The following PARD3 variants were observed in gnomAD, a reference collection of about 807,000 sequenced individuals.
The protein encoded by PARD3 is par-3 family cell polarity regulator.
In PARD3, 75 loss-of-function variants were observed where a neutral mutation model predicts 155.4. The ratio of observed to expected loss-of-function variants is 0.48; its 90% CI spans 0.40 to 0.58. The LOEUF (loss-of-function observed/expected upper bound fraction) is 0.58. Ranked by LOEUF, PARD3 falls within the 20% of genes least tolerant of loss-of-function variation. The pLI is 0.00. For synonymous variants in PARD3, 576 were observed against 610.5 expected, an observed-to-expected ratio of 0.94 and a Z score of 0.83; for missense variants, 1,642 against 1,721.7, an observed-to-expected ratio of 0.95 and a Z score of 0.82.
intron 3 of PARD3, among the ~76,000 whole-genome samples, chr10:34,504,886 G>A: frequency 6.6e-6 from 1 of 152,224 alleles, no homozygotes; most frequent in East Asian, 1.9e-4. Context: ...AAGTAAAGGA[G>A]AGATCTATAT....
At chr10:34,395,327 G>C (rs981525571) in intron 7 of PARD3, among the ~76,000 whole-genome samples, 1 of 152,058 alleles carries the variant, frequency 6.6e-6, no homozygotes, top group African/African-American at 2.4e-5. Flanking sequence ...GAGCCACTGC[G>C]CCCAGCCGAT....
intron 22 of PARD3, among the ~76,000 whole-genome samples, chr10:34,174,141 C>T (rs771139485): frequency 3.1e-4 from 47 of 152,312 alleles, no homozygotes; most frequent in Middle Eastern, 3.4e-3. Context: ...GGAAAATGTA[C>T]TTCAGCATAC....
At chr10:34,167,152 G>A (rs933032558) in intron 22 of PARD3, among the ~76,000 whole-genome samples, 1 of 152,134 alleles carries the variant, frequency 6.6e-6, no homozygotes, top group Non-Finnish European at 1.5e-5. Flanking sequence ...ACCTGTCAAG[G>A]AAATCTCCCA....
chr10:34,538,756 T>A (rs2083395398), intron 2 of PARD3, among the ~76,000 whole-genome samples: 1 of 152,236 alleles, frequency 6.6e-6, no homozygotes, highest in African/African-American at 2.4e-5. Flanking sequence ...AAGAAGAGGC[T>A]GCAGAAACGC....
intron 16 of PARD3, among the ~76,000 whole-genome samples, chr10:34,341,202 A>T (rs1383367527): frequency 7.6e-6 from 1 of 131,120 alleles, no homozygotes; most frequent in East Asian, 2.3e-4. Flanking sequence ...AAAAAAAAAC[A>T]CTTTAAAAAA....
chr10:34,809,302 T>C (rs1843786740), intron 1 of PARD3, among the ~76,000 whole-genome samples: 1 of 152,154 alleles, frequency 6.6e-6, no homozygotes, highest in Non-Finnish European at 1.5e-5. Context: ...ACACGGGCTA[T>C]TCACCAAGAC....
chr10:34,359,172 G>T lies in PARD3; in HGVS notation c.2042C>A (p.Ala681Glu). ...CTCATTGCACTTGCTTATTCTCCTT[G>T]CAACAATAAGCTGGATCATTCCTCG... The part of the protein sequence containing the change: ...NKRGMIQLIV[A>E]RRISKCNELK... Residue 681 changes from alanine to glutamate, a missense_variant, in exon 14 of 25, where the codon GCA becomes GAA. Ala to Glu is a moderately radical substitution (Grantham distance 107, BLOSUM62 -1). Coordinates refer to ENST00000374788, the MANE Select transcript of PARD3 (RefSeq NM_001184785.2). 1.9e-6 allele frequency: 3 copies of T among 1,613,112 alleles called. No individual in the cohort carries two copies. Among genetic ancestry groups the T allele is most frequent in the Non-Finnish European group, 2.5e-6 (3 of 1,179,628 alleles).
intron 2 of PARD3, among the ~76,000 whole-genome samples, chr10:34,646,697 G>A (rs1477648653): frequency 3.3e-5 from 5 of 152,238 alleles, no homozygotes; most frequent in East Asian, 1.9e-4. Flanking sequence ...ACAAGGTCTC[G>A]TTCTGTCGCC....
At position 34,729,761 on chromosome 10, in the gene PARD3, C is replaced by T. The variant is rs547005226; in HGVS notation, c.121-33342G>A. 3.8e-4 allele frequency among the ~76,000 whole-genome samples: 58 copies of T among 152,076 alleles called. 1 individual carries two copies. The highest frequency in any genetic ancestry group is 2.9e-5 in the Non-Finnish European group (2 of 68,016). On this transcript the variant is annotated intron_variant, in intron 1 of 24. Coordinates refer to ENST00000374788, the MANE Select transcript of PARD3 (RefSeq NM_001184785.2). Reference sequence around the variant, plus strand: ...CACACAAATTAACTTCATTATGCAGCGAGCAGTCTCCTGGAGGAGCCGGAA... The same window carrying T: ...CACACAAATTAACTTCATTATGCAGTGAGCAGTCTCCTGGAGGAGCCGGAA...
At position 34,681,881 on chromosome 10, in the gene PARD3, A is replaced by G. The variant is rs995962765; in HGVS notation, c.222+14437T>C. On this transcript the variant is annotated intron_variant, in intron 2 of 24. Coordinates refer to ENST00000374788, the MANE Select transcript of PARD3 (RefSeq NM_001184785.2). The stretch of plus-strand genomic sequence containing the variant: ...AGCAGACCTCCCACTTTGGCCTCCC[A>G]AAGTGCTGAGATTATAGGCATGAGC... Among the ~76,000 whole-genome samples the G allele has an allele frequency of 2.1e-5, 3 of 146,064 alleles. No individual in the cohort carries two copies. In the Admixed American group the frequency reaches 2.1e-4, roughly 10 times the overall value.
chr10:34,515,386 T>C (rs891863493), intron 3 of PARD3, among the ~76,000 whole-genome samples: 6 of 152,268 alleles, frequency 3.9e-5, no homozygotes, highest in South Asian at 2.1e-4. Flanking sequence ...AAACAACTTA[T>C]AGGTTCTGTT....
chr10:34,388,198 T>C (rs1339628375), intron 7 of PARD3, among the ~76,000 whole-genome samples: 2 of 152,206 alleles, frequency 1.3e-5, no homozygotes, highest in East Asian at 3.8e-4. Flanking sequence ...GTGAAGTTAG[T>C]AGCCTGCTGA....
At chr10:34,443,603 T>G (rs919132348) in intron 5 of PARD3, among the ~76,000 whole-genome samples, 7 of 152,068 alleles carry the variant, frequency 4.6e-5, no homozygotes, top group African/African-American at 1.4e-4. Flanking sequence ...TCAGAGTTCA[T>G]GAGACTTACT....
intron 1 of PARD3, among the ~76,000 whole-genome samples, chr10:34,737,383 G>C (rs1268950010): frequency 6.6e-6 from 1 of 152,170 alleles, no homozygotes; most frequent in East Asian, 1.9e-4. Context: ...TGCCTTAAAG[G>C]ACAGCTGAAG....
chr10:34,680,460 T>A (rs867059403), intron 2 of PARD3, among the ~76,000 whole-genome samples: 1 of 151,156 alleles, frequency 6.6e-6, no homozygotes, highest in African/African-American at 2.4e-5. Flanking sequence ...CTCTGGAGGA[T>A]GAGGCAGGAG....
At chr10:34,133,795 C>T (rs904377181) in intron 22 of PARD3, among the ~76,000 whole-genome samples, 9 of 152,182 alleles carry the variant, frequency 5.9e-5, no homozygotes, top group African/African-American at 2.2e-4. Context: ...TGTACAGGAT[C>T]ATCATGTTAA....
At chr10:34,461,410 G>C (rs2077642186) in intron 4 of PARD3, among the ~76,000 whole-genome samples, 1 of 152,150 alleles carries the variant, frequency 6.6e-6, no homozygotes, top group East Asian at 1.9e-4. Flanking sequence ...TTCGAGACCA[G>C]CCTGGCCAAC....
intron 2 of PARD3, among the ~76,000 whole-genome samples, chr10:34,579,585 T>TGTGTGTGTGTGC (rs2134239674): frequency 6.7e-6 from 1 of 150,046 alleles, no homozygotes; most frequent in African/African-American, 2.5e-5. Flanking sequence ...TGTGTGTGTG[T>TGTGTGTGTGTGC]GTGTGTGTGT....
chr10:34,439,181 G>A (rs532689523), intron 5 of PARD3, among the ~76,000 whole-genome samples: 2 of 152,204 alleles, frequency 1.3e-5, no homozygotes, highest in East Asian at 3.9e-4. Flanking sequence ...TGCGAGGAAG[G>A]GCAGGGCTGT....
Sources: allele counts gnomAD v4.1 joint callset (sites outside exome capture counted in the v4.1 genomes callset), GRCh38; gene constraint gnomAD v4.1.1; transcripts MANE v1.5; gene names NCBI Gene and HGNC (gene_info 2026-07-23, HGNC 2026-07-21).